STPG2: variants seen among roughly 807,000 people sequenced by gnomAD.
STPG2 encodes the protein sperm tail PG-rich repeat containing 2, also known as sperm-tail PG-rich repeat-containing protein 2.
A neutral mutation model predicts 54.2 loss-of-function variants in STPG2; 56 were observed. The ratio of observed to expected loss-of-function variants is 1.03; its 90% CI spans 0.83 to 1.29. The LOEUF (loss-of-function observed/expected upper bound fraction) is 1.29. Among genes scored for constraint, STPG2 ranks in the 50% most tolerant of loss-of-function variants. STPG2 has a pLI of 0.00. For missense variants in STPG2, 596 were observed against 544.9 expected, an observed-to-expected ratio of 1.09 and a Z score of -0.93; for synonymous variants, 200 against 181.8, an observed-to-expected ratio of 1.10 and a Z score of -0.81.
intron 4 of STPG2, among the ~76,000 whole-genome samples, chr4:97,527,211 C>A (rs1406278182): frequency 6.6e-6 from 1 of 152,064 alleles, no homozygotes; most frequent in East Asian, 1.9e-4. Context: ...CATGTGTTCT[C>A]ATTGTTCAAC....
chr4:97,773,184 T>C (rs1220125092), intron 9 of STPG2, among the ~76,000 whole-genome samples: 1 of 152,180 alleles, frequency 6.6e-6, no homozygotes, highest in East Asian at 1.9e-4. Context: ...CTATTTTCTT[T>C]TTTATAAAAC....
At chr4:98,023,001 C>G (rs1440506035) in intron 5 of STPG2, among the ~76,000 whole-genome samples, 1 of 152,158 alleles carries the variant, frequency 6.6e-6, no homozygotes, top group Admixed American at 6.5e-5. Context: ...TCTTCTGAAG[C>G]CTTCTTCTCT....
rs1721418279 is a variant in STPG2, at chr4:97,634,248, T to G, written c.1321-75131A>C. Among the ~76,000 whole-genome samples the G allele has an allele frequency of 8.6e-5, 13 of 151,846 alleles. No homozygotes were observed. The South Asian group carries it at 2.7e-3, about 32-fold the overall frequency. On this transcript the variant is annotated intron_variant, in intron 10 of 10. Coordinates refer to ENST00000295268, the MANE Select transcript of STPG2 (RefSeq NM_174952.3). ...CAGGGGCACACTGACACCTCACACT[T>G]CAGGGTACTCCAACAGACCTGCAGC...
At chr4:97,631,719 G>A (rs1200038855) in intron 10 of STPG2, among the ~76,000 whole-genome samples, 1 of 152,058 alleles carries the variant, frequency 6.6e-6, no homozygotes, top group Non-Finnish European at 1.5e-5. Context: ...GCCTGAGAAT[G>A]TCACCTGGTC....
At chr4:98,139,196 T>C (rs1740213477) in intron 1 of STPG2, among the ~76,000 whole-genome samples, 1 of 152,082 alleles carries the variant, frequency 6.6e-6, no homozygotes, top group Admixed American at 6.5e-5. Context: ...TAGGAGAGAT[T>C]CTCCCTGATC....
chr4:97,759,175 T>G (rs897982618), intron 9 of STPG2, among the ~76,000 whole-genome samples: 1 of 152,044 alleles, frequency 6.6e-6, no homozygotes, highest in Non-Finnish European at 1.5e-5. Context: ...ATGGGAGTCA[T>G]GAGAAAGAAT....
At chr4:97,574,803 T>G (rs2148886290) in intron 10 of STPG2, among the ~76,000 whole-genome samples, 1 of 152,220 alleles carries the variant, frequency 6.6e-6, no homozygotes, top group Admixed American at 6.6e-5. Flanking sequence ...AGATGCCATA[T>G]TTTGGGATAG....
intron 10 of STPG2, among the ~76,000 whole-genome samples, chr4:97,639,686 T>C (rs1297876848): frequency 6.6e-6 from 1 of 151,954 alleles, no homozygotes; most frequent in African/African-American, 2.4e-5. Context: ...ATTCCAAAGT[T>C]TTTCCAGAAT....
At chr4:97,703,583 G>GTA (rs949509631) in intron 10 of STPG2, among the ~76,000 whole-genome samples, 3 of 91,468 alleles carry the variant, frequency 3.3e-5, no homozygotes, top group African/African-American at 4.8e-5. Context: ...AGTATATATA[G>GTA]TATATATATA....
At chr4:97,619,423 C>A (rs113082841) in intron 10 of STPG2, among the ~76,000 whole-genome samples, 6 of 152,116 alleles carry the variant, frequency 3.9e-5, no homozygotes, top group African/African-American at 1.4e-4. Flanking sequence ...CTTATGCAAA[C>A]CTAAATATGG....
At chr4:97,892,272 A>G (rs919663150) in intron 8 of STPG2, among the ~76,000 whole-genome samples, 2 of 152,132 alleles carry the variant, frequency 1.3e-5, no homozygotes, top group Non-Finnish European at 2.9e-5. Context: ...ATGAGGCCAG[A>G]TAAGTAAGGT....
chr4:97,877,493 A>T (rs1578647751), intron 8 of STPG2, among the ~76,000 whole-genome samples: 1 of 152,212 alleles, frequency 6.6e-6, no homozygotes, highest in Non-Finnish European at 1.5e-5. Flanking sequence ...GGGATGCCTT[A>T]TCATTATGGT....
chr4:97,957,148 G>A (rs986557074), intron 7 of STPG2, among the ~76,000 whole-genome samples: 6 of 144,790 alleles, frequency 4.1e-5, no homozygotes, highest in African/African-American at 1.0e-4. Flanking sequence ...AAATATACAT[G>A]TGAAATATAT....
intron 7 of STPG2, among the ~76,000 whole-genome samples, chr4:97,955,174 A>T (rs1252239299): frequency 1.3e-5 from 2 of 152,022 alleles, no homozygotes. Context: ...AAATATCTAA[A>T]CTGTAGCATG....
intron 8 of STPG2, chr4:97,893,084 C>T (rs974689189): frequency 6.6e-6 from 1 of 152,106 alleles, no homozygotes; most frequent in Non-Finnish European, 1.5e-5. Context: ...TCAGATACCA[C>T]CTGCTTAGCT....
intron 10 of STPG2, among the ~76,000 whole-genome samples, chr4:97,613,536 G>A (rs923054784): frequency 2.6e-5 from 4 of 151,334 alleles, no homozygotes; most frequent in African/African-American, 9.7e-5. Context: ...GTGCGTGTGT[G>A]TGTATTAGGG....
At chr4:97,879,093 C>T (rs1730279342) in intron 8 of STPG2, among the ~76,000 whole-genome samples, 1 of 152,168 alleles carries the variant, frequency 6.6e-6, no homozygotes, top group Admixed American at 6.5e-5. Flanking sequence ...CAACAAGTTC[C>T]TCATCTCCAT....
intron 10 of STPG2, among the ~76,000 whole-genome samples, chr4:97,702,783 C>G (rs1316946114): frequency 6.6e-6 from 1 of 152,132 alleles, no homozygotes; most frequent in Admixed American, 6.5e-5. Flanking sequence ...GTTGTAGGGT[C>G]CCATTCTTTT....
intron 9 of STPG2, among the ~76,000 whole-genome samples, chr4:97,816,905 T>A (rs762825761): frequency 6.7e-6 from 1 of 149,282 alleles, no homozygotes; most frequent in Non-Finnish European, 1.5e-5. Flanking sequence ...TTCTCTCATA[T>A]ATGCACATAC....
Sources: allele counts gnomAD v4.1 joint callset (sites outside exome capture counted in the v4.1 genomes callset), GRCh38; gene constraint gnomAD v4.1.1; transcripts MANE v1.5; gene names NCBI Gene and HGNC (gene_info 2026-07-23, HGNC 2026-07-21).